Variants in HKDC1 observed in about 807,000 individuals in gnomAD.
HKDC1 encodes hexokinase HKDC1.
HKDC1 carries 66 observed loss-of-function variants against 96.6 expected under a neutral mutation model. The observed-to-expected ratio is 0.68, with a 90% CI of 0.56 to 0.84. The LOEUF (loss-of-function observed/expected upper bound fraction) is 0.84. Ranked by LOEUF, HKDC1 falls within the 40% of genes least tolerant of loss-of-function variation. The pLI is 0.00. For missense variants in HKDC1, 1,211 were observed against 1,208.1 expected (o/e 1.00, Z -0.04); for synonymous variants, 466 against 473.1 (o/e 0.98, Z 0.20).
chr10:69,233,420 G>T lies in HKDC1; in HGVS notation c.495+287G>T, dbSNP rs1488187832. Among the ~76,000 whole-genome samples, 3 of 152,136 alleles carry T rather than the reference G, an allele frequency of 2.0e-5. No individual in the cohort carries two copies. In the East Asian group the frequency reaches 5.8e-4, roughly 29 times the overall value. ...GGAGGGCTTGTTTTAAGCACAGATT[G>T]CTGGGCCTACTGGAATCAGTGGTTC... On this transcript the variant is annotated intron_variant, in intron 4 of 17. Coordinates refer to ENST00000354624, the MANE Select transcript of HKDC1 (RefSeq NM_025130.4).
intron 5 of HKDC1, 150 bp downstream of exon 5, chr10:69,239,287 T>C (rs1253412087): frequency 5.1e-6 from 3 of 589,714 alleles, no homozygotes; most frequent in African/African-American, 1.9e-5. Flanking sequence ...AAGGTCCCAC[T>C]GTAGTACAGA....
chr10:69,261,960 A>C (rs911618008), intron 16 of HKDC1: 1 of 254,136 alleles, frequency 3.9e-6, no homozygotes, highest in Non-Finnish European at 8.1e-6. Context: ...AAAAACTCAT[A>C]GTTAGACCCA....
At chr10:69,236,283 T>C (rs1170821481) in intron 4 of HKDC1, among the ~76,000 whole-genome samples, 1 of 151,564 alleles carries the variant, frequency 6.6e-6, no homozygotes, top group Non-Finnish European at 1.5e-5. Context: ...AATTTTTGTA[T>C]TTTCAGTAGA....
intron 5 of HKDC1, 117 bp downstream of exon 5, chr10:69,239,254 C>CAG (rs1843415562): frequency 3.0e-6 from 2 of 659,798 alleles, no homozygotes; most frequent in Non-Finnish European, 5.3e-6. Flanking sequence ...GAGGGAGAAT[C>CAG]AGAGAAGGAA....
intron 10 of HKDC1, among the ~76,000 whole-genome samples, chr10:69,249,357 C>A (rs181314531): frequency 6.6e-6 from 1 of 152,322 alleles, no homozygotes; most frequent in East Asian, 1.9e-4. Flanking sequence ...CCACTTGGAA[C>A]GTTACCAAAG....
chr10:69,235,648 A>G (rs925042614), intron 4 of HKDC1, among the ~76,000 whole-genome samples: 4 of 152,200 alleles, frequency 2.6e-5, no homozygotes, highest in African/African-American at 4.8e-5. Context: ...GCTCTGGAAC[A>G]GAGACTCCAG....
chr10:69,231,142 C>T (rs759892630), intron 2 of HKDC1, among the ~76,000 whole-genome samples: 3 of 152,146 alleles, frequency 2.0e-5, no homozygotes, highest in African/African-American at 7.2e-5. Context: ...GCCTCCACAC[C>T]GACACTGGCC....
chr10:69,222,100 T>A (rs1843075123), intron 1 of HKDC1, among the ~76,000 whole-genome samples: 1 of 152,108 alleles, frequency 6.6e-6, no homozygotes, highest in South Asian at 2.1e-4. Context: ...AGTGCGCCTG[T>A]AATCCCAACT....
rs781477923 is a variant in HKDC1 at position 69,240,646 on chromosome 10, C to G, written c.592-6C>G. 4 of 1,612,530 alleles carry G rather than the reference C, an allele frequency of 2.5e-6. No individual in the cohort carries two copies. The highest frequency in any genetic ancestry group is 2.5e-6 in the Non-Finnish European group (3 of 1,178,914). ...CGCTGATTCCCTCTGGCCTTGTGTT[C>G]GGCAGGACATGGACGTGGACATCCT... On this transcript the variant is annotated splice_region_variant and splice_polypyrimidine_tract_variant and intron_variant, in intron 5 of 17. Coordinates refer to ENST00000354624, the MANE Select transcript of HKDC1 (RefSeq NM_025130.4).
intron 7 of HKDC1, among the ~76,000 whole-genome samples, chr10:69,244,979 G>T (rs991256608): frequency 1.3e-5 from 2 of 152,078 alleles, no homozygotes; most frequent in African/African-American, 2.4e-5. Context: ...TTGGCTCACT[G>T]CAACCTCTGC....
At chr10:69,236,271 C>A (rs570248624) in intron 4 of HKDC1, among the ~76,000 whole-genome samples, 48 of 151,726 alleles carry the variant, frequency 3.2e-4, no homozygotes, top group African/African-American at 1.2e-3. Flanking sequence ...CCACACCCAA[C>A]TAATTTTTGT....
intron 1 of HKDC1, among the ~76,000 whole-genome samples, chr10:69,220,947 C>T (rs1030903149): frequency 7.2e-5 from 11 of 152,028 alleles, no homozygotes; most frequent in Non-Finnish European, 1.0e-4. Context: ...GTCAGGAGTT[C>T]GAGACCAGCC....
chr10:69,250,194 G>T (rs1843615882), intron 10 of HKDC1, 96 bp from the exon 11 acceptor site: 2 of 1,360,610 alleles, frequency 1.5e-6, no homozygotes, highest in African/African-American at 1.4e-5. Flanking sequence ...AGGAGTGCAG[G>T]CCCTGGGTCC....
intron 7 of HKDC1, among the ~76,000 whole-genome samples, 194 bp downstream of exon 7, chr10:69,243,559 C>T (rs548441202): frequency 8.7e-5 from 13 of 149,228 alleles, no homozygotes; most frequent in East Asian, 2.0e-4. Flanking sequence ...TGCGGTGGCA[C>T]GATCTTGGCT....
intron 1 of HKDC1, among the ~76,000 whole-genome samples, chr10:69,223,635 G>T (rs1427602794): frequency 1.4e-5 from 2 of 138,838 alleles, no homozygotes; most frequent in Admixed American, 1.5e-4. Flanking sequence ...TCCCAGGCTG[G>T]AGTGCAGTGG....
intron 17 of HKDC1, 55 bp downstream of exon 17, chr10:69,265,873 TGTGG>T: frequency 1.5e-6 from 2 of 1,330,448 alleles, no homozygotes; most frequent in Non-Finnish European, 2.1e-6. Context: ...GGCGGCCAAG[TGTGG>T]ACTTGGCATA....
At chr10:69,238,141 G>A in intron 4 of HKDC1, among the ~76,000 whole-genome samples, 1 of 152,280 alleles carries the variant, frequency 6.6e-6, no homozygotes, top group Non-Finnish European at 1.5e-5. Context: ...ACGAGGTCTC[G>A]CTATGTTGCC....
intron 4 of HKDC1, among the ~76,000 whole-genome samples, chr10:69,236,015 G>A (rs1843354930): frequency 6.6e-6 from 1 of 152,112 alleles, no homozygotes. Flanking sequence ...ACAACCAAGA[G>A]TAGCCCACCC....
intron 12 of HKDC1, among the ~76,000 whole-genome samples, chr10:69,255,706 C>T (rs575628293): frequency 3.9e-5 from 6 of 152,178 alleles, no homozygotes; most frequent in East Asian, 1.9e-4. Context: ...CACTTGAGGT[C>T]AGGAGTTCAA....
Sources: allele counts gnomAD v4.1 joint callset (sites outside exome capture counted in the v4.1 genomes callset), GRCh38; gene constraint gnomAD v4.1.1; transcripts MANE v1.5; gene names NCBI Gene and HGNC (gene_info 2026-07-23, HGNC 2026-07-21).